The following HERPUD2 variants were observed in gnomAD, a reference collection of about 807,000 sequenced individuals.
HERPUD2 encodes the protein homocysteine-responsive endoplasmic reticulum-resident ubiquitin-like domain member 2 protein.
In HERPUD2, 13 loss-of-function variants were observed where a neutral mutation model predicts 49.9. The ratio of observed to expected loss-of-function variants is 0.26; its 90% confidence interval spans 0.17 to 0.41. The LOEUF is 0.41. HERPUD2 is among the 10% of genes least tolerant of loss of function. The probability of loss-of-function intolerance (pLI) is 1.00; values close to 1 mark genes in which losing one functional copy is unlikely to be tolerated. For synonymous variants in HERPUD2, 172 were observed against 171.4 expected (o/e 1.00, Z -0.03); for missense variants, 449 against 492.2 (o/e 0.91, Z 0.83).
intron 4 of HERPUD2, chr7:35,668,686 T>G (rs1207846929): frequency 1.3e-5 from 2 of 154,196 alleles, no homozygotes; most frequent in Non-Finnish European, 2.9e-5. Flanking sequence ...AAATGTTACT[T>G]CACACACAAT....
chr7:35,647,271 C>G (rs1332517669), intron 5 of HERPUD2, among the ~76,000 whole-genome samples: 1 of 152,096 alleles, frequency 6.6e-6, no homozygotes, highest in Non-Finnish European at 1.5e-5. Flanking sequence ...CCCTTCAAGG[C>G]AGCTCAAATG....
At chr7:35,651,361 C>T (rs1472980970) in intron 5 of HERPUD2, among the ~76,000 whole-genome samples, 2 of 152,116 alleles carry the variant, frequency 1.3e-5, no homozygotes, top group Non-Finnish European at 2.9e-5. Context: ...CCTACCACTG[C>T]CATCGCTGGG....
intron 2 of HERPUD2, among the ~76,000 whole-genome samples, chr7:35,683,629 C>T (rs1218655814): frequency 6.6e-6 from 1 of 152,164 alleles, no homozygotes; most frequent in African/African-American, 2.4e-5. Context: ...GCAGAGTAGA[C>T]AACCCACAGA....
chr7:35,639,191 G>C (rs889213961), intron 5 of HERPUD2, among the ~76,000 whole-genome samples: 1 of 151,932 alleles, frequency 6.6e-6, no homozygotes. Flanking sequence ...ACCACACCTG[G>C]CTAATTTTTT....
At position 35,694,500 on chromosome 7, in the gene HERPUD2, G is replaced by A; in HGVS notation, c.-170C>T. The A allele has an allele frequency of 1.5e-6, 1 of 679,580 alleles. No homozygotes were observed. Among genetic ancestry groups the A allele is most frequent in the Non-Finnish European group, 2.5e-6 (1 of 403,284 alleles). 42.1% of individuals were successfully genotyped at this position (679,580 alleles called of 1,614,324 possible). ...ATACGAAGCCCATTGCCGGTACCAA[G>A]GATGGACTGAGGTGGTGGCGACTGC... On this transcript the variant is annotated 5_prime_UTR_variant, in exon 2 of 9. Transcript: ENST00000311350.
intron 5 of HERPUD2, among the ~76,000 whole-genome samples, chr7:35,659,763 T>C (rs1018344943): frequency 6.6e-6 from 1 of 152,222 alleles, no homozygotes; most frequent in Non-Finnish European, 1.5e-5. Flanking sequence ...ATATATTCCC[T>C]AGGTGAAGCT....
At chr7:35,648,675 G>T (rs1785100218) in intron 5 of HERPUD2, among the ~76,000 whole-genome samples, 1 of 152,156 alleles carries the variant, frequency 6.6e-6, no homozygotes, top group African/African-American at 2.4e-5. Flanking sequence ...TCATTAGCTT[G>T]CCCTCTTGTC....
chr7:35,659,620 C>T (rs1296919157), intron 5 of HERPUD2, among the ~76,000 whole-genome samples: 3 of 152,176 alleles, frequency 2.0e-5, no homozygotes, highest in Non-Finnish European at 4.4e-5. Context: ...AGAGAAGAGA[C>T]TTGCCCAAAC....
chr7:35,690,224 T>A (rs1246907907), intron 2 of HERPUD2, among the ~76,000 whole-genome samples: 1 of 152,228 alleles, frequency 6.6e-6, no homozygotes, highest in Admixed American at 6.5e-5. Context: ...CTCACAATTA[T>A]CTATATATTC....
intron 2 of HERPUD2, among the ~76,000 whole-genome samples, chr7:35,682,588 T>G (rs1307574967): frequency 6.6e-6 from 1 of 150,848 alleles, no homozygotes; most frequent in Non-Finnish European, 1.5e-5. Flanking sequence ...GAGAAAGAAA[T>G]AAAGGGCATC....
chr7:35,642,449 C>T (rs1431386881), intron 5 of HERPUD2, among the ~76,000 whole-genome samples: 1 of 152,160 alleles, frequency 6.6e-6, no homozygotes. Flanking sequence ...CCCAGCAATT[C>T]CATTACTGGG....
rs1785472384 is a variant in HERPUD2 at position 35,663,472 on chromosome 7, T to A, written c.494+3962A>T. Among the ~76,000 whole-genome samples the A allele has an allele frequency of 2.0e-5, 3 of 152,192 alleles. No homozygotes were observed. In the South Asian group the frequency reaches 6.2e-4, roughly 32 times the overall value. On this transcript the variant is annotated intron_variant, in intron 5 of 8. Coordinates refer to ENST00000311350, the MANE Select transcript of HERPUD2 (RefSeq NM_022373.5). ...TGGATATCCTTATTAACTTTCTGTC[T>A]CGTTGATCTGTCTAATGTTGACAGT...
At chr7:35,638,721 C>T (rs188180973) in intron 5 of HERPUD2, among the ~76,000 whole-genome samples, 1 of 152,182 alleles carries the variant, frequency 6.6e-6, no homozygotes, top group Non-Finnish European at 1.5e-5. Flanking sequence ...AGAAACACCA[C>T]AAAATGTACA....
chr7:35,637,088 A>C (rs2115824792), intron 6 of HERPUD2, among the ~76,000 whole-genome samples: 1 of 152,022 alleles, frequency 6.6e-6, no homozygotes, highest in South Asian at 2.1e-4. Context: ...AACCAAGATT[A>C]TGCCACTGCA....
intron 2 of HERPUD2, among the ~76,000 whole-genome samples, chr7:35,681,814 CAG>C (rs1166161079): frequency 8.6e-5 from 13 of 151,740 alleles, no homozygotes; most frequent in South Asian, 2.1e-4. Flanking sequence ...AAAAAAGAAA[CAG>C]AAAGTAGATT....
intron 4 of HERPUD2, among the ~76,000 whole-genome samples, chr7:35,669,625 C>T (rs893615724): frequency 2.0e-5 from 3 of 152,034 alleles, no homozygotes; most frequent in South Asian, 2.1e-4. Flanking sequence ...TCAACTATTA[C>T]AAAACATTTC....
intron 2 of HERPUD2, among the ~76,000 whole-genome samples, chr7:35,683,638 G>A (rs1785963930): frequency 6.6e-6 from 1 of 152,188 alleles, no homozygotes; most frequent in Non-Finnish European, 1.5e-5. Context: ...ACAACCCACA[G>A]AGTGGGACAA....
intron 5 of HERPUD2, among the ~76,000 whole-genome samples, chr7:35,661,935 G>A (rs1785433188): frequency 6.6e-6 from 1 of 152,156 alleles, no homozygotes; most frequent in Non-Finnish European, 1.5e-5. Flanking sequence ...GTGAGAGACG[G>A]CATCCCTGTC....
Position 35,633,583 on chromosome 7 carries a change from T to C in HERPUD2, c.*107A>G. On this transcript the variant is annotated 3_prime_UTR_variant, in exon 9 of 9. Coordinates refer to ENST00000311350, the MANE Select transcript of HERPUD2 (RefSeq NM_022373.5). Reference sequence around the variant, plus strand: ...GAAGCCTAAAGAAAAAAAACACCTCTGTACATGATGATCAAAAGAAAGTTA... The same window carrying C: ...GAAGCCTAAAGAAAAAAAACACCTCCGTACATGATGATCAAAAGAAAGTTA... 1.1e-6 allele frequency: 1 copy of C among 930,684 alleles called. No individual in the cohort carries two copies. The highest frequency in any genetic ancestry group is 1.6e-6 in the Non-Finnish European group (1 of 626,864). The allele number at this position is 930,684 out of a possible 1,614,324, so 57.7% of individuals were successfully genotyped here.
Sources: allele counts gnomAD v4.1 joint callset (sites outside exome capture counted in the v4.1 genomes callset), GRCh38; gene constraint gnomAD v4.1.1; transcripts MANE v1.5; gene names NCBI Gene and HGNC (gene_info 2026-07-23, HGNC 2026-07-21).